The following STYXL2 variants were observed in gnomAD, a reference collection of about 807,000 sequenced individuals.
STYXL2 encodes serine/threonine/tyrosine-interacting-like protein 2.
In STYXL2, 44 loss-of-function variants were observed where a neutral mutation model predicts 52.4. The observed-to-expected ratio is 0.84, with a 90% CI of 0.66 to 1.08. The LOEUF (loss-of-function observed/expected upper bound fraction) is 1.08. Among genes scored for constraint, STYXL2 ranks in the 50% least tolerant of loss-of-function variants. The pLI is 0.00. For synonymous variants in STYXL2, 604 were observed against 586.9 expected, an observed-to-expected ratio of 1.03 and a Z score of -0.42; for missense variants, 1,604 against 1,471.7, an observed-to-expected ratio of 1.09 and a Z score of -1.47.
intron 2 of STYXL2, among the ~76,000 whole-genome samples, chr1:167,104,939 A>C (rs1211869764): frequency 2.6e-5 from 4 of 152,234 alleles, no homozygotes; most frequent in African/African-American, 9.6e-5. Context: ...AGTTTAAAGC[A>C]ACGGCTTTCA....
At chr1:167,096,963 G>A (rs532850167) in intron 2 of STYXL2, among the ~76,000 whole-genome samples, 100 of 152,280 alleles carry the variant, frequency 6.6e-4, no homozygotes, top group South Asian at 1.7e-3. Flanking sequence ...CATTATGGTC[G>A]GATCAGGATA....
chr1:167,118,954 G>A (rs1317242057), intron 4 of STYXL2, among the ~76,000 whole-genome samples: 1 of 152,180 alleles, frequency 6.6e-6, no homozygotes, highest in Non-Finnish European at 1.5e-5. Context: ...CCAAGGCATG[G>A]GGTTTTAAAC....
At chr1:167,111,251 C>T (rs116459675) in intron 2 of STYXL2, among the ~76,000 whole-genome samples, 3,934 of 151,810 alleles carry the variant, frequency 0.026, 184 homozygotes, top group African/African-American at 0.09. Context: ...CTAGTACAAC[C>T]ACTATTGAAA....
chr1:167,127,963 G>A lies in STYXL2; in HGVS notation c.2832G>A (p.Thr944=), dbSNP rs149238405. 2.2e-5 allele frequency: 36 copies of A among 1,614,032 alleles called. No homozygotes were observed. The highest frequency in any genetic ancestry group is 8.9e-5 in the East Asian group (4 of 44,902). Residue 944 remains threonine, a synonymous_variant, in exon 6 of 6, where the codon ACG becomes ACA. Coordinates refer to ENST00000361200, the MANE Select transcript of STYXL2 (RefSeq NM_001080426.3). The part of the protein sequence containing the change: ...SINKWLSGLR[T]EEKPPFQSDW... The stretch of plus-strand genomic sequence containing the variant: ...ATAAGTGGCTCAGTGGCCTCAGGAC[G>A]GAGGAAAAACCTCCTTTCCAAAGTG...
intron 2 of STYXL2, among the ~76,000 whole-genome samples, chr1:167,112,862 C>T (rs1473749807): frequency 2.6e-5 from 4 of 152,110 alleles, no homozygotes; most frequent in South Asian, 2.1e-4. Context: ...CTCTATGGAC[C>T]TATAGGAAAG....
intron 5 of STYXL2, among the ~76,000 whole-genome samples, chr1:167,124,978 C>G (rs1236384659): frequency 6.8e-6 from 1 of 146,590 alleles, no homozygotes; most frequent in Non-Finnish European, 1.5e-5. Context: ...CTGATAAATT[C>G]AAGTTTTGAC....
rs564679385 is a variant in STYXL2, at chr1:167,099,922, T to A, written c.110+4963T>A. On this transcript the variant is annotated intron_variant, in intron 2 of 5. Coordinates refer to ENST00000361200, the MANE Select transcript of STYXL2 (RefSeq NM_001080426.3). Reference sequence around the variant, plus strand: ...CTAGATAAATAGAGTCTGGCATATATATTTATTTTAAAAACTGCCTGTCTT... The same window carrying A: ...CTAGATAAATAGAGTCTGGCATATAAATTTATTTTAAAAACTGCCTGTCTT... Among the ~76,000 whole-genome samples the A allele has an allele frequency of 2.0e-5, 3 of 152,384 alleles. No individual in the cohort carries two copies. In the South Asian group the frequency reaches 6.2e-4, roughly 32 times the overall value.
At chr1:167,113,096 G>C (rs965352395) in intron 2 of STYXL2, among the ~76,000 whole-genome samples, 3 of 151,932 alleles carry the variant, frequency 2.0e-5, no homozygotes, top group Non-Finnish European at 4.4e-5. Context: ...ATTTACCCAA[G>C]TTACTTTCTT....
At position 167,119,246 on chromosome 1, in the gene STYXL2, C is replaced by A; in HGVS notation, c.438-3C>A. 2 of 1,614,028 alleles carry A rather than the reference C, an allele frequency of 1.2e-6. No homozygotes were observed. The highest frequency in any genetic ancestry group is 8.5e-7 in the Non-Finnish European group (1 of 1,179,958). ...GCAAACAGGTCCCTGCCTCTTCCCG[C>A]AGGAGTGTGGCTGTGAACAAGGGGA... On this transcript the variant is annotated splice_polypyrimidine_tract_variant and splice_region_variant and intron_variant, in intron 4 of 5. Coordinates refer to ENST00000361200, the MANE Select transcript of STYXL2 (RefSeq NM_001080426.3).
intron 2 of STYXL2, among the ~76,000 whole-genome samples, chr1:167,113,045 T>C (rs552679519): frequency 6.6e-6 from 1 of 152,306 alleles, no homozygotes; most frequent in East Asian, 1.9e-4. Flanking sequence ...AAGGTCTTTT[T>C]TGACAACTGC....
At chr1:167,100,183 A>T (rs146349253) in intron 2 of STYXL2, among the ~76,000 whole-genome samples, 3 of 152,354 alleles carry the variant, frequency 2.0e-5, no homozygotes, top group African/African-American at 2.4e-5. Context: ...GCCTCACTTT[A>T]TAACAACCCC....
At chr1:167,096,957 A>G (rs1421757560) in intron 2 of STYXL2, among the ~76,000 whole-genome samples, 3 of 152,228 alleles carry the variant, frequency 2.0e-5, no homozygotes, top group African/African-American at 4.8e-5. Flanking sequence ...GCAACACATT[A>G]TGGTCGGATC....
rs376045213 is a variant in STYXL2 at position 167,128,477 on chromosome 1, C to T, written c.3346C>T (p.Arg1116Trp). ...NREEGRFASG[R>W]RSQYRRSTDR... ...AGAAGAAGGGAGGTTTGCATCTGGACGGCGGTCCCAGTATCGGAGAAGCAC... is the reference window on the plus strand; with the variant it reads ...AGAAGAAGGGAGGTTTGCATCTGGATGGCGGTCCCAGTATCGGAGAAGCAC... Residue 1116 changes from arginine to tryptophan, a missense_variant, in exon 6 of 6, where the codon CGG becomes TGG. Physicochemically the swap from Arg to Trp is moderately radical, Grantham distance 101. Transcript: ENST00000361200. 1.3e-5 allele frequency: 21 copies of T among 1,613,740 alleles called. No homozygotes were observed. Among genetic ancestry groups the T allele is most frequent in the Admixed American group, 6.7e-5 (4 of 59,976 alleles).
chr1:167,117,684 G>T (rs1221264728), intron 4 of STYXL2, 125 bp downstream of exon 4: 3 of 826,550 alleles, frequency 3.6e-6, no homozygotes, highest in Non-Finnish European at 5.6e-6. Context: ...AGGCTGCCTA[G>T]CCACTTACCC....
intron 2 of STYXL2, among the ~76,000 whole-genome samples, chr1:167,108,929 A>G (rs1198923472): frequency 6.6e-6 from 1 of 152,222 alleles, no homozygotes; most frequent in Non-Finnish European, 1.5e-5. Context: ...CAGGAGAAGG[A>G]TTTAACCTTT....
Position 167,126,773 on chromosome 1 carries a change from A to G in STYXL2, c.1642A>G (p.Lys548Glu), listed in dbSNP as rs966652278. 6.2e-7 allele frequency: 1 copy of G among 1,614,200 alleles called. No individual in the cohort carries two copies. The highest frequency in any genetic ancestry group is 2.2e-5 in the East Asian group (1 of 44,870). Residue 548 changes from lysine to glutamate, a missense_variant, in exon 6 of 6, where the codon AAG becomes GAG. By Grantham distance (56) the Lys-to-Glu change is moderately conservative. Coordinates refer to ENST00000361200, the MANE Select transcript of STYXL2 (RefSeq NM_001080426.3). ...CAAGCTCACTGCCCTGGAAAGATGG[A>G]AGATCAAGAGAATCCAATTTGGATT... ...KDKLTALERW[K>E]IKRIQFGFHK...
chr1:167,094,725 A>T (rs1268115353), intron 1 of STYXL2, 109 bp from the exon 2 acceptor site: 10 of 724,738 alleles, frequency 1.4e-5, no homozygotes, highest in Non-Finnish European at 2.1e-5. Flanking sequence ...GCCCACCGGG[A>T]CCTTCCTAGT....
chr1:167,120,638 T>C (rs1362942023), intron 5 of STYXL2, among the ~76,000 whole-genome samples: 1 of 151,756 alleles, frequency 6.6e-6, no homozygotes, highest in East Asian at 1.9e-4. Flanking sequence ...TATTTTTACT[T>C]TTTATTTTTA....
At position 167,127,129 on chromosome 1, in the gene STYXL2, C is replaced by T. The variant is rs912261228; in HGVS notation, c.1998C>T (p.Asp666=). ...CCCTGTCTGCGTTCTGGTCTGCAGA[C>T]CCCTCAGTCAGCGCTGATGGGGACA... ...SIPLSAFWSA[D]PSVSADGDTT... is the part of the protein sequence containing the mutation. Residue 666 remains aspartate, a synonymous_variant, in exon 6 of 6, where the codon GAC becomes GAT. Transcript: ENST00000361200. 3 of 1,614,096 alleles carry T rather than the reference C, an allele frequency of 1.9e-6. No individual in the cohort carries two copies. The South Asian group carries it at 3.3e-5, about 18-fold the overall frequency.
Sources: gnomAD v4.1 joint callset for allele counts (sites outside exome capture counted in the v4.1 genomes callset) on GRCh38, gnomAD v4.1.1 for gene constraint, MANE v1.5 for transcripts, NCBI Gene and HGNC (gene_info 2026-07-23, HGNC 2026-07-21) for gene names.